The following GRIK4 variants were observed in gnomAD, a reference collection of about 807,000 sequenced individuals.
GRIK4 encodes the protein glutamate ionotropic receptor kainate type subunit 4, also known as glutamate receptor ionotropic, kainate 4.
Under a neutral mutation model 104.9 loss-of-function variants are expected in GRIK4, and 40 were observed. That is an observed-to-expected ratio of 0.38 (90% CI 0.30 to 0.50). GRIK4 has a LOEUF of 0.50. Ranked by LOEUF, GRIK4 falls within the 20% of genes least tolerant of loss-of-function variation. GRIK4 has a pLI of 0.93. For missense variants in GRIK4, 1,047 were observed against 1,308.1 expected, an observed-to-expected ratio of 0.80 and a Z score of 3.08; for synonymous variants, 485 against 524.9, an observed-to-expected ratio of 0.92 and a Z score of 1.04.
Position 120,905,210 on chromosome 11 carries a change from G to A in GRIK4, c.1273-80G>A, listed in dbSNP as rs892574530. ...TGCCCCATGTCCTCCCCGACCCTCT[G>A]TGCCCCTGGCCCTCCCCATCACACG... On this transcript the variant is annotated intron_variant, in intron 12 of 20. Transcript: ENST00000527524. The surrounding 1 kb of genome is among the most constrained non-coding windows in gnomAD (Gnocchi z 5.1). The A allele has an allele frequency of 3.9e-6, 4 of 1,017,580 alleles. No individual in the cohort carries two copies. The highest frequency in any genetic ancestry group is 6.2e-6 in the Non-Finnish European group (4 of 642,870). 63.0% of individuals were successfully genotyped at this position (1,017,580 alleles called of 1,614,324 possible). A position where few individuals can be genotyped will look rare whatever the true frequency, so the allele number is the denominator to read the frequency against.
At chr11:120,830,148 C>T (rs1338074619) in intron 6 of GRIK4, among the ~76,000 whole-genome samples, 4 of 151,670 alleles carry the variant, frequency 2.6e-5, no homozygotes, top group African/African-American at 7.3e-5. Flanking sequence ...CAGGCCAGTC[C>T]CTTGGGCTCC....
At chr11:120,824,379 G>T (rs893620212) in intron 6 of GRIK4, among the ~76,000 whole-genome samples, 1 of 152,146 alleles carries the variant, frequency 6.6e-6, no homozygotes, top group African/African-American at 2.4e-5. Flanking sequence ...GAGAGTTGGG[G>T]CTCACCACTG....
At chr11:120,814,353 AC>A (rs962102589) in intron 4 of GRIK4, among the ~76,000 whole-genome samples, 2 of 152,156 alleles carry the variant, frequency 1.3e-5, no homozygotes, top group Non-Finnish European at 2.9e-5. Context: ...TAATCCCAGC[AC>A]TTCGGGAGGC....
chr11:120,923,047 G>A (rs1943257174), intron 13 of GRIK4, among the ~76,000 whole-genome samples: 1 of 152,236 alleles, frequency 6.6e-6, no homozygotes, highest in African/African-American at 2.4e-5. Flanking sequence ...CGTGTCCTAG[G>A]TGGCGACAGA....
chr11:120,766,178 C>T (rs1337647827), intron 3 of GRIK4, among the ~76,000 whole-genome samples: 8 of 152,336 alleles, frequency 5.3e-5, no homozygotes, highest in African/African-American at 1.9e-4. Context: ...GAGAGGCAGT[C>T]TGCCTGCAGT....
In GRIK4 at chr11:120,588,898, G is replaced by T. The variant is rs984333568; in HGVS notation, c.-158-64787G>T. 3.2e-4 allele frequency among the ~76,000 whole-genome samples: 49 copies of T among 152,268 alleles called. 1 individual carries two copies. The highest frequency in any genetic ancestry group is 1.4e-3 in the Admixed American group (22 of 15,292). On this transcript the variant is annotated intron_variant, in intron 1 of 20. Transcript: ENST00000527524. ...TCCAGTTGAGAACTGTCGGTATAGGGGGTAGAGCTAAGAGTGCAAATGTTG... is the reference window on the plus strand; with the variant it reads ...TCCAGTTGAGAACTGTCGGTATAGGTGGTAGAGCTAAGAGTGCAAATGTTG...
intron 8 of GRIK4, 59 bp downstream of exon 8, chr11:120,836,903 A>T: frequency 8.9e-7 from 1 of 1,127,956 alleles, no homozygotes; most frequent in Non-Finnish European, 1.4e-6. Flanking sequence ...GTCAGGATTG[A>T]TGGATTATAA....
intron 9 of GRIK4, chr11:120,873,782 A>G: frequency 3.5e-6 from 1 of 284,598 alleles, no homozygotes; most frequent in East Asian, 6.2e-5. Context: ...CAGAGAGAAA[A>G]GGGTACACTT....
chr11:120,629,716 C>T (rs1009488286), intron 1 of GRIK4, among the ~76,000 whole-genome samples: 5 of 152,202 alleles, frequency 3.3e-5, no homozygotes, highest in African/African-American at 1.2e-4. Flanking sequence ...CTGCCAGGCC[C>T]GCTGTTGTTT....
chr11:120,683,508 G>T (rs1565293147), intron 3 of GRIK4, among the ~76,000 whole-genome samples: 1 of 152,144 alleles, frequency 6.6e-6, no homozygotes, highest in Non-Finnish European at 1.5e-5. Context: ...GATATTAGAA[G>T]AAGAGGTCCC....
At chr11:120,696,221 G>A (rs1187534016) in intron 3 of GRIK4, among the ~76,000 whole-genome samples, 4 of 152,192 alleles carry the variant, frequency 2.6e-5, no homozygotes, top group Admixed American at 2.6e-4. Context: ...CAGAGCGAGA[G>A]GAAGAATCTG....
At chr11:120,599,585 T>C (rs1245668131) in intron 1 of GRIK4, among the ~76,000 whole-genome samples, 1 of 152,236 alleles carries the variant, frequency 6.6e-6, no homozygotes, top group East Asian at 1.9e-4. Context: ...CCATCTCTGC[T>C]ACTGTATTCT....
intron 13 of GRIK4, among the ~76,000 whole-genome samples, chr11:120,924,038 A>C (rs1365709995): frequency 2.6e-5 from 4 of 152,130 alleles, no homozygotes; most frequent in Admixed American, 6.5e-5. Context: ...CAGGGAGGCA[A>C]GTCTTCCCCC....
At chr11:120,784,016 T>C (rs1457888756) in intron 3 of GRIK4, among the ~76,000 whole-genome samples, 1 of 152,156 alleles carries the variant, frequency 6.6e-6, no homozygotes, top group African/African-American at 2.4e-5. Context: ...GAGGCAGGGT[T>C]CACACCCACA....
chr11:120,535,801 C>T (rs1359067445), intron 1 of GRIK4, among the ~76,000 whole-genome samples: 1 of 152,244 alleles, frequency 6.6e-6, no homozygotes, highest in African/African-American at 2.4e-5. Flanking sequence ...ATTGCTGCAC[C>T]TATTCCTACC....
intron 13 of GRIK4, among the ~76,000 whole-genome samples, chr11:120,931,334 C>T (rs1254722652): frequency 2.6e-5 from 4 of 152,130 alleles, no homozygotes; most frequent in African/African-American, 9.7e-5. Flanking sequence ...TTAGGCACCC[C>T]TTGGTTATTG....
intron 1 of GRIK4, among the ~76,000 whole-genome samples, chr11:120,621,811 G>A (rs1848757857): frequency 6.6e-6 from 1 of 152,222 alleles, no homozygotes; most frequent in Non-Finnish European, 1.5e-5. Flanking sequence ...TGCAGCGGCA[G>A]TACAAGGGGG....
intron 3 of GRIK4, among the ~76,000 whole-genome samples, chr11:120,726,303 A>C (rs1350139681): frequency 6.6e-6 from 1 of 152,200 alleles, no homozygotes; most frequent in Non-Finnish European, 1.5e-5. Flanking sequence ...TCTGTTAAAC[A>C]TGGGGATGAT....
intron 1 of GRIK4, among the ~76,000 whole-genome samples, chr11:120,544,851 T>G (rs1392394145): frequency 6.6e-6 from 1 of 152,136 alleles, no homozygotes; most frequent in African/African-American, 2.4e-5. Flanking sequence ...TGAAGCCATA[T>G]TTGTCCTTTT....
Sources: gnomAD v4.1 joint callset for allele counts (sites outside exome capture counted in the v4.1 genomes callset) on GRCh38, gnomAD v4.1.1 for gene constraint, Gnocchi (gnomAD v3.1) non-coding constraint, MANE v1.5 for transcripts, NCBI Gene and HGNC (gene_info 2026-07-23, HGNC 2026-07-21) for gene names.